CD163L1: variants seen among roughly 807,000 people sequenced by gnomAD.
CD163L1 encodes scavenger receptor cysteine-rich type 1 protein M160.
Under a neutral mutation model 165.4 loss-of-function variants are expected in CD163L1, and 124 were observed. The observed-to-expected ratio is 0.75, with a 90% CI of 0.65 to 0.87. The LOEUF (loss-of-function observed/expected upper bound fraction) is 0.87. Ranked by LOEUF, CD163L1 falls within the 40% of genes least tolerant of loss-of-function variation. The pLI, the probability that CD163L1 is intolerant of heterozygous loss-of-function variation, is 0.00. For synonymous variants in CD163L1, 585 were observed against 662.2 expected (o/e 0.88, Z 1.79); for missense variants, 1,525 against 1,799.9 (o/e 0.85, Z 2.76).
At chr12:7,404,710 A>G (rs1947982682) in intron 5 of CD163L1, among the ~76,000 whole-genome samples, 1 of 152,194 alleles carries the variant, frequency 6.6e-6, no homozygotes, top group Non-Finnish European at 1.5e-5. Flanking sequence ...TCTGGTTCAC[A>G]TTGAATAGGT....
chr12:7,362,901 G>GTA (rs1946933708), intron 18 of CD163L1, among the ~76,000 whole-genome samples: 2 of 151,186 alleles, frequency 1.3e-5, no homozygotes, highest in African/African-American at 4.9e-5. Context: ...AGAAAATGTG[G>GTA]TATATATATG....
intron 5 of CD163L1, among the ~76,000 whole-genome samples, chr12:7,405,517 A>G (rs929795367): frequency 1.3e-5 from 2 of 152,192 alleles, no homozygotes; most frequent in Non-Finnish European, 2.9e-5. Context: ...TGAATATATT[A>G]TCTTTCCCAA....
intron 8 of CD163L1, 38 bp downstream of exon 8, chr12:7,396,057 C>T (rs1450736275): frequency 1.3e-6 from 2 of 1,529,744 alleles, no homozygotes; most frequent in South Asian, 2.5e-5. Context: ...AGAACCCAGG[C>T]AGTTTCTTTT....
intron 19 of CD163L1, among the ~76,000 whole-genome samples, chr12:7,357,056 G>C (rs1946792652): frequency 6.6e-6 from 1 of 152,098 alleles, no homozygotes; most frequent in Non-Finnish European, 1.5e-5. Flanking sequence ...TAACAAAAAT[G>C]AACAGAAATC....
chr12:7,406,810 C>T lies in CD163L1; in HGVS notation c.809G>A (p.Arg270His), dbSNP rs757615416. 21 of 1,613,928 alleles carry T rather than the reference C, an allele frequency of 1.3e-5. No homozygotes were observed. Among genetic ancestry groups the T allele is most frequent in the African/African-American group, 1.2e-4 (9 of 74,882 alleles). The change falls in exon 5 of 20, where the codon CGC (arginine) becomes CAC (histidine). Residue 270 changes from arginine to histidine, a missense_variant. Transcript: ENST00000313599. The part of the protein sequence containing the change: ...LELRLVGGTN[R>H]CMGRVELKIQ... ...TTTCAGCTCTACTCTCCCCATACAG[C>T]GGTTAGTTCCACCTACAAGCCTTAG...
chr12:7,344,665 T>C (rs1946657710), downstream of CD163L1, among the ~76,000 whole-genome samples: 1 of 152,242 alleles, frequency 6.6e-6, no homozygotes, highest in South Asian at 2.1e-4. Flanking sequence ...GAGTTCTCTG[T>C]GAGTGTTCCA....
chr12:7,403,888 G>A (rs766415961), intron 5 of CD163L1, 33 bp from the exon 6 acceptor site: 14 of 1,591,070 alleles, frequency 8.8e-6, no homozygotes, highest in Non-Finnish European at 1.2e-5. Context: ...CGTCTGAATT[G>A]GGTTTGGGAC....
At chr12:7,404,378 C>G (rs1947973552) in intron 5 of CD163L1, among the ~76,000 whole-genome samples, 1 of 152,138 alleles carries the variant, frequency 6.6e-6, no homozygotes, top group Admixed American at 6.6e-5. Flanking sequence ...CTTTCTCATA[C>G]TGTTTTCTAC....
Position 7,441,252 on chromosome 12 carries a change from G to A in CD163L1, c.32-6C>T. 1 of 1,607,802 alleles carries A rather than the reference G, an allele frequency of 6.2e-7. No homozygotes were observed. The highest frequency in any genetic ancestry group is 1.1e-5 in the South Asian group (1 of 90,932). Reference sequence around the variant, plus strand: ...ACAGCAGCATCTTCCAAAATCTGGAGAAACAAAATATAGCAGGGTAGAATT... The same window carrying A: ...ACAGCAGCATCTTCCAAAATCTGGAAAAACAAAATATAGCAGGGTAGAATT... On this transcript the variant is annotated splice_region_variant and splice_polypyrimidine_tract_variant and intron_variant, in intron 1 of 19. Coordinates refer to ENST00000313599, the MANE Select transcript of CD163L1 (RefSeq NM_174941.6).
Position 7,418,422 on chromosome 12 carries a change from A to C in CD163L1, c.767-11570T>G, listed in dbSNP as rs77978760. Among the ~76,000 whole-genome samples, 889 of 152,232 alleles carry C rather than the reference A, an allele frequency of 5.8e-3. 4 individuals carry two copies. The highest frequency in any genetic ancestry group is 0.01 in the Non-Finnish European group (710 of 67,964). On this transcript the variant is annotated intron_variant, in intron 4 of 19. Coordinates refer to ENST00000313599, the MANE Select transcript of CD163L1 (RefSeq NM_174941.6). ...AAAGTTCATAGCCTTAAATGCCTGC[A>C]TCAGAAGGTCTGAAAGAGTATAAAT...
chr12:7,408,097 T>A (rs892090559), intron 4 of CD163L1, among the ~76,000 whole-genome samples: 1 of 145,230 alleles, frequency 6.9e-6, no homozygotes, highest in African/African-American at 2.7e-5. Context: ...ATATATATCA[T>A]ATATATGCCT....
chr12:7,334,360 C>T, the CD163L1 span, among the ~76,000 whole-genome samples: 1 of 152,140 alleles, frequency 6.6e-6, no homozygotes, highest in African/African-American at 2.4e-5. Context: ...AAACATAATC[C>T]AGCATATAAA....
intron 4 of CD163L1, among the ~76,000 whole-genome samples, chr12:7,427,257 A>G (rs1948560367): frequency 6.6e-6 from 1 of 152,130 alleles, no homozygotes. Flanking sequence ...CTTCTTTTAA[A>G]GGGCATCAAA....
chr12:7,323,532 G>A, the CD163L1 span: 26 of 1,613,466 alleles, frequency 1.6e-5, no homozygotes, highest in African/African-American at 2.7e-5. Flanking sequence ...AAACCTACAC[G>A]GCCCTTCTGT....
chr12:7,335,869 A>G, the CD163L1 span, among the ~76,000 whole-genome samples: 1 of 152,168 alleles, frequency 6.6e-6, no homozygotes, highest in East Asian at 1.9e-4. Flanking sequence ...ACACTTCTCA[A>G]AAGAAGACAT....
At chr12:7,324,299 G>A in the CD163L1 span, 18 of 1,613,192 alleles carry the variant, frequency 1.1e-5, no homozygotes, top group African/African-American at 9.3e-5. Flanking sequence ...CTGCTGCCAC[G>A]ATAAGAGGAG....
At chr12:7,335,713 G>C in the CD163L1 span, among the ~76,000 whole-genome samples, 2 of 152,148 alleles carry the variant, frequency 1.3e-5, no homozygotes, top group South Asian at 2.1e-4. Flanking sequence ...CCATCAGAGT[G>C]AACAGGCAAC....
chr12:7,354,714 T>A (rs980194084), downstream of CD163L1, among the ~76,000 whole-genome samples: 8 of 152,126 alleles, frequency 5.3e-5, no homozygotes, highest in Admixed American at 6.6e-5. Context: ...TCAGATCTGA[T>A]GAGGGCTCCC....
At chr12:7,377,968 C>T (rs919110679) in intron 9 of CD163L1, among the ~76,000 whole-genome samples, 3 of 152,240 alleles carry the variant, frequency 2.0e-5, no homozygotes, top group African/African-American at 4.8e-5. Context: ...GTCTTCTGAT[C>T]ATCTAAATCT....
Sources: gnomAD v4.1 joint callset for allele counts (sites outside exome capture counted in the v4.1 genomes callset) on GRCh38, gnomAD v4.1.1 for gene constraint, MANE v1.5 for transcripts, NCBI Gene and HGNC (gene_info 2026-07-23, HGNC 2026-07-21) for gene names.